Variants in ST7 observed in about 807,000 individuals in gnomAD.
ST7 encodes the protein suppression of tumorigenicity 7, also known as suppressor of tumorigenicity 7 protein.
Under a neutral mutation model 78.7 loss-of-function variants are expected in ST7, and 28 were observed. The observed-to-expected ratio is 0.36, with a 90% CI of 0.26 to 0.49. The LOEUF is 0.49. ST7 is among the 20% of genes least tolerant of loss of function. ST7 has a pLI of 0.99. For missense variants in ST7, 418 were observed against 696.0 expected (o/e 0.60, Z 4.49); for synonymous variants, 247 against 249.6 (o/e 0.99, Z 0.10).
intron 1 of ST7, chr7:117,015,084 T>C (rs769416228): frequency 2.3e-4 from 186 of 792,942 alleles, no homozygotes; most frequent in Non-Finnish European, 3.0e-4. Flanking sequence ...GAATTTATAT[T>C]TTAAAAACTA....
chr7:116,971,051 A>T (rs1187950854), intron 1 of ST7, among the ~76,000 whole-genome samples: 3 of 152,188 alleles, frequency 2.0e-5, no homozygotes, highest in Non-Finnish European at 4.4e-5. Context: ...ATGTACACCT[A>T]ACAGACCTCC....
In ST7 at chr7:117,131,876, CT is replaced by C. The variant is rs775544581; in HGVS notation, c.566-7del. 2.9e-4 allele frequency: 472 copies of C among 1,609,864 alleles called. 2 individuals carry two copies. Among genetic ancestry groups the C allele is most frequent in the Non-Finnish European group, 3.1e-4 (363 of 1,177,302 alleles). On this transcript the variant is annotated splice_region_variant and splice_polypyrimidine_tract_variant and intron_variant, in intron 5 of 15. Coordinates refer to ENST00000323984, the MANE Select transcript of ST7 (RefSeq NM_001369598.1). ...GATTGACTTGGTGTTTTCTCTTTTT[CT>C]TAAATAGTAATGCAGAAAGCCTGGA...
intron 10 of ST7, among the ~76,000 whole-genome samples, chr7:117,185,383 T>C (rs1233792163): frequency 6.6e-6 from 1 of 152,180 alleles, no homozygotes; most frequent in Non-Finnish European, 1.5e-5. Context: ...AGCATCATTA[T>C]CTGCTAAAAA....
intron 12 of ST7, among the ~76,000 whole-genome samples, chr7:117,193,419 T>C (rs192689547): frequency 6.6e-6 from 1 of 152,238 alleles, no homozygotes; most frequent in Non-Finnish European, 1.5e-5. Flanking sequence ...CTCTCACTTA[T>C]TTTTCATAAC....
At chr7:117,055,050 T>C (rs1409279030) in intron 1 of ST7, among the ~76,000 whole-genome samples, 1 of 152,212 alleles carries the variant, frequency 6.6e-6, no homozygotes, top group African/African-American at 2.4e-5. Context: ...GAATTATGTA[T>C]AATAGTGATT....
At chr7:117,029,270 CTT>C (rs1393440532) in intron 1 of ST7, among the ~76,000 whole-genome samples, 3 of 152,054 alleles carry the variant, frequency 2.0e-5, no homozygotes, top group Non-Finnish European at 4.4e-5. Context: ...TATTGTCAGT[CTT>C]TTTAATTTTT....
chr7:117,009,262 T>G (rs529459242), intron 1 of ST7, among the ~76,000 whole-genome samples: 5 of 21,420 alleles, frequency 2.3e-4, no homozygotes, highest in South Asian at 1.4e-3. Flanking sequence ...TTTTTGTTTT[T>G]TTTTTTTTGT....
intron 3 of ST7, 147 bp downstream of exon 3, chr7:117,119,867 C>A: frequency 2.2e-6 from 2 of 909,948 alleles, no homozygotes; most frequent in South Asian, 1.7e-5. Flanking sequence ...AGTTGACAAC[C>A]TGTATCAGAG....
At chr7:117,128,874 A>G (rs764576393) in intron 3 of ST7, among the ~76,000 whole-genome samples, 11 of 151,840 alleles carry the variant, frequency 7.2e-5, no homozygotes, top group African/African-American at 1.2e-4. Flanking sequence ...ATGTTGTTGG[A>G]TGTGGTTTTT....
chr7:117,146,369 G>A (rs1243165283), intron 9 of ST7: 1 of 152,366 alleles, frequency 6.6e-6, no homozygotes, highest in East Asian at 1.9e-4. Context: ...GGATAGAACA[G>A]AATAAGCCCA....
intron 10 of ST7, among the ~76,000 whole-genome samples, chr7:117,185,621 T>TA: frequency 6.6e-6 from 1 of 152,228 alleles, no homozygotes; most frequent in East Asian, 1.9e-4. Flanking sequence ...TGATAAAGTT[T>TA]AATTTATAAA....
At chr7:117,047,182 G>A (rs945259197) in intron 1 of ST7, among the ~76,000 whole-genome samples, 3 of 152,074 alleles carry the variant, frequency 2.0e-5, no homozygotes, top group Non-Finnish European at 4.4e-5. Flanking sequence ...TGTTCTTATG[G>A]GTTCATCCTT....
intron 1 of ST7, among the ~76,000 whole-genome samples, chr7:117,015,682 G>A (rs949467229): frequency 2.0e-5 from 3 of 152,164 alleles, no homozygotes; most frequent in Non-Finnish European, 4.4e-5. Flanking sequence ...CTTACATCTG[G>A]TAGGGTAAAG....
chr7:117,067,625 T>C (rs1798712059), intron 1 of ST7, among the ~76,000 whole-genome samples: 1 of 152,028 alleles, frequency 6.6e-6, no homozygotes, highest in Non-Finnish European at 1.5e-5. Context: ...TGGTCAGATT[T>C]TGAGGGTGAC....
intron 1 of ST7, among the ~76,000 whole-genome samples, chr7:117,015,461 G>A (rs1158366288): frequency 1.3e-5 from 2 of 152,192 alleles, no homozygotes; most frequent in Non-Finnish European, 2.9e-5. Flanking sequence ...AAGTGAATTG[G>A]AGAATTTCAG....
At chr7:117,057,880 T>C (rs1798144806) in intron 1 of ST7, among the ~76,000 whole-genome samples, 1 of 152,170 alleles carries the variant, frequency 6.6e-6, no homozygotes, top group African/African-American at 2.4e-5. Context: ...CTTTCTATTT[T>C]TTTCAGTTAC....
chr7:117,127,624 G>T (rs1453491563), intron 3 of ST7, among the ~76,000 whole-genome samples: 1 of 151,824 alleles, frequency 6.6e-6, no homozygotes, highest in Non-Finnish European at 1.5e-5. Context: ...CAATTACTTA[G>T]ATCCTTTTTT....
At chr7:117,061,939 G>C (rs943773290) in intron 1 of ST7, among the ~76,000 whole-genome samples, 1 of 152,176 alleles carries the variant, frequency 6.6e-6, no homozygotes, top group Non-Finnish European at 1.5e-5. Context: ...AGCTCAGGCT[G>C]CCATAACAAA....
chr7:117,113,085 CT>C (rs1215656924), intron 2 of ST7, among the ~76,000 whole-genome samples: 1 of 152,148 alleles, frequency 6.6e-6, no homozygotes, highest in Non-Finnish European at 1.5e-5. Flanking sequence ...GCCATTTTGG[CT>C]TTTTCAGCTT....
Sources: allele counts gnomAD v4.1 joint callset (sites outside exome capture counted in the v4.1 genomes callset), GRCh38; gene constraint gnomAD v4.1.1; transcripts MANE v1.5; gene names NCBI Gene and HGNC (gene_info 2026-07-23, HGNC 2026-07-21).